The following LINGO2 variants were observed in gnomAD, a reference collection of about 807,000 sequenced individuals.
LINGO2 encodes leucine-rich repeat and immunoglobulin-like domain-containing nogo receptor-interacting protein 2.
In LINGO2, 14 loss-of-function variants were observed where a neutral mutation model predicts 30.6. The ratio of observed to expected loss-of-function variants is 0.46; its 90% CI spans 0.30 to 0.72. The LOEUF is 0.72. LINGO2 is among the 30% of genes least tolerant of loss of function. The pLI is 0.07. For missense variants in LINGO2, 729 were observed against 751.7 expected, an observed-to-expected ratio of 0.97 and a Z score of 0.35; for synonymous variants, 317 against 288.5, an observed-to-expected ratio of 1.10 and a Z score of -1.00.
At chr9:28,460,234 G>T (rs1323259040) in intron 2 of LINGO2, among the ~76,000 whole-genome samples, 1 of 152,064 alleles carries the variant, frequency 6.6e-6, no homozygotes, top group Non-Finnish European at 1.5e-5. Context: ...TAATATAGGA[G>T]CAAATACATT....
At chr9:28,071,127 A>G (rs938482653) in intron 4 of LINGO2, among the ~76,000 whole-genome samples, 1 of 152,206 alleles carries the variant, frequency 6.6e-6, no homozygotes, top group Non-Finnish European at 1.5e-5. Flanking sequence ...ACATGCACTT[A>G]TAGCGGAAAT....
intron 1 of LINGO2, among the ~76,000 whole-genome samples, chr9:28,557,757 A>AT (rs1389646760): frequency 6.6e-6 from 1 of 150,758 alleles, no homozygotes; most frequent in African/African-American, 2.5e-5. Flanking sequence ...CAAATGTCCA[A>AT]AATGATAGAC....
At chr9:28,613,502 T>C (rs886498596) in intron 1 of LINGO2, among the ~76,000 whole-genome samples, 8 of 141,706 alleles carry the variant, frequency 5.6e-5, no homozygotes, top group Admixed American at 1.5e-4. Flanking sequence ...CACACACACA[T>C]ATATTTACCT....
chr9:28,921,740 C>A, the LINGO2 span, among the ~76,000 whole-genome samples: 3 of 152,154 alleles, frequency 2.0e-5, no homozygotes, highest in Admixed American at 1.3e-4. Flanking sequence ...ACCAGTTATT[C>A]CATCTTGTTC....
chr9:28,541,209 T>G (rs1166414873), intron 1 of LINGO2, among the ~76,000 whole-genome samples: 4 of 152,106 alleles, frequency 2.6e-5, no homozygotes, highest in Non-Finnish European at 5.9e-5. Flanking sequence ...TAAGATAATA[T>G]CCAGAATGCC....
the LINGO2 span, among the ~76,000 whole-genome samples, chr9:28,886,483 G>C: frequency 4.6e-5 from 7 of 152,130 alleles, no homozygotes; most frequent in Non-Finnish European, 8.8e-5. Context: ...CCTTGGATTT[G>C]AGGGTAATGA....
the LINGO2 span, among the ~76,000 whole-genome samples, chr9:29,119,978 G>A: frequency 6.6e-6 from 1 of 152,184 alleles, no homozygotes; most frequent in African/African-American, 2.4e-5. Flanking sequence ...TTGGCAGGGA[G>A]TTAGAGGTAG....
intron 1 of LINGO2, among the ~76,000 whole-genome samples, chr9:28,662,144 A>C (rs1341661570): frequency 6.6e-6 from 1 of 152,158 alleles, no homozygotes; most frequent in East Asian, 1.9e-4. Flanking sequence ...TACATGTGGA[A>C]CATGCACTCA....
In LINGO2 at chr9:27,950,719, G is replaced by C. The variant is rs1480131319; in HGVS notation, c.-35-13C>G. On this transcript the variant is annotated splice_polypyrimidine_tract_variant and intron_variant, in intron 5 of 5. Coordinates refer to ENST00000379992, the Ensembl canonical transcript of LINGO2. ...CTTGGTCACGGGTCTGCATGGAAGG[G>C]ACACAAGAAGGGAGGAAGAGAAGGT... The C allele has an allele frequency of 7.0e-7, 1 of 1,420,244 alleles. No homozygotes were observed. Among genetic ancestry groups the C allele is most frequent in the African/African-American group, 1.4e-5 (1 of 69,918 alleles). 88.0% of individuals were successfully genotyped at this position (1,420,244 alleles called of 1,614,324 possible).
At chr9:27,987,197 TTAA>T (rs1344160991) in intron 5 of LINGO2, among the ~76,000 whole-genome samples, 4 of 151,950 alleles carry the variant, frequency 2.6e-5, no homozygotes, top group Non-Finnish European at 5.9e-5. Context: ...GCAAATATTC[TTAA>T]TAAGTAGCTA....
At chr9:28,837,631 G>A in the LINGO2 span, among the ~76,000 whole-genome samples, 8 of 110,148 alleles carry the variant, frequency 7.3e-5, no homozygotes, top group Admixed American at 2.1e-4. Flanking sequence ...TGGGCAACAA[G>A]AGCAAAACTC....
intron 1 of LINGO2, among the ~76,000 whole-genome samples, chr9:28,542,757 G>A (rs144859138): frequency 1.3e-5 from 2 of 152,114 alleles, no homozygotes; most frequent in Non-Finnish European, 2.9e-5. Flanking sequence ...TCCATGGATC[G>A]TGATTCATGA....
chr9:28,828,768 T>C, the LINGO2 span, among the ~76,000 whole-genome samples: 9 of 152,162 alleles, frequency 5.9e-5, no homozygotes, highest in Non-Finnish European at 1.3e-4. Context: ...CAAATGCAGA[T>C]GCTGAACCTT....
At chr9:28,351,966 A>G (rs1819915852) in intron 3 of LINGO2, among the ~76,000 whole-genome samples, 1 of 151,184 alleles carries the variant, frequency 6.6e-6, no homozygotes, top group South Asian at 2.1e-4. Flanking sequence ...CATGCTAAAA[A>G]CTCTCAATAA....
At chr9:27,996,638 G>T (rs1821676638) in intron 5 of LINGO2, among the ~76,000 whole-genome samples, 1 of 152,042 alleles carries the variant, frequency 6.6e-6, no homozygotes. Context: ...AAAAAAGGGG[G>T]GTTAGTTAAT....
chr9:28,756,736 C>T, the LINGO2 span, among the ~76,000 whole-genome samples: 1 of 151,834 alleles, frequency 6.6e-6, no homozygotes, highest in Admixed American at 6.6e-5. Flanking sequence ...TGTTGTTTGA[C>T]AGTTCCCCCT....
the LINGO2 span, among the ~76,000 whole-genome samples, chr9:28,783,016 T>C: frequency 6.6e-6 from 1 of 152,234 alleles, no homozygotes; most frequent in Non-Finnish European, 1.5e-5. Flanking sequence ...TATCTATACA[T>C]ATCTAAATGC....
intron 1 of LINGO2, among the ~76,000 whole-genome samples, chr9:28,532,469 C>A (rs1005022959): frequency 6.6e-6 from 1 of 151,962 alleles, no homozygotes; most frequent in Non-Finnish European, 1.5e-5. Context: ...AGAAGGGAGG[C>A]CTTTGTCACT....
intron 1 of LINGO2, among the ~76,000 whole-genome samples, chr9:28,602,538 A>ACTCACT (rs1179024403): frequency 6.6e-6 from 1 of 152,056 alleles, no homozygotes; most frequent in African/African-American, 2.4e-5. Flanking sequence ...CATCAAAGTG[A>ACTCACT]GTGATTATTC....
Sources: allele counts gnomAD v4.1 joint callset (sites outside exome capture counted in the v4.1 genomes callset), GRCh38; gene constraint gnomAD v4.1.1; transcripts MANE v1.5; gene names NCBI Gene and HGNC (gene_info 2026-07-23, HGNC 2026-07-21).